CUX1: variants seen among roughly 807,000 people sequenced by gnomAD.
The protein encoded by CUX1 is protein CASP.
CUX1 carries 31 observed loss-of-function variants against 158.8 expected under a neutral mutation model. That is an observed-to-expected ratio of 0.20 (90% confidence interval 0.15 to 0.26). The LOEUF (loss-of-function observed/expected upper bound fraction) is 0.26, where lower values mean the gene tolerates loss of function less well. Among genes scored for constraint, CUX1 ranks in the 10% least tolerant of loss-of-function variants. CUX1 has a pLI of 1.00. For synonymous variants in CUX1, 879 were observed against 862.1 expected (o/e 1.02, Z -0.34); for missense variants, 1,589 against 2,014.6 (o/e 0.79, Z 4.04).
In CUX1 at chr7:102,201,350, C is replaced by T. The variant is rs868993463; in HGVS notation, c.2063-10C>T. The T allele has an allele frequency of 6.2e-7, 1 of 1,609,652 alleles. No homozygotes were observed. Among genetic ancestry groups the T allele is most frequent in the Admixed American group, 1.7e-5 (1 of 59,898 alleles). On this transcript the variant is annotated splice_polypyrimidine_tract_variant and intron_variant, in intron 17 of 23. Transcript: ENST00000292535. The surrounding 1 kb of genome is among the most constrained non-coding windows in gnomAD (Gnocchi z 5.0). ...CCCTGCCACACTCTCACCCCTGTTTCTCCATGCAGCAGAGCCGGCCCAGCC... is the reference window on the plus strand; with the variant it reads ...CCCTGCCACACTCTCACCCCTGTTTTTCCATGCAGCAGAGCCGGCCCAGCC...
intron 3 of CUX1, among the ~76,000 whole-genome samples, chr7:102,044,752 A>G (rs1311306127): frequency 2.6e-5 from 4 of 152,020 alleles, no homozygotes; most frequent in African/African-American, 7.2e-5. Flanking sequence ...GACGCCCACA[A>G]GCAAAATAGG....
intron 10 of CUX1, among the ~76,000 whole-genome samples, chr7:102,174,582 C>G (rs781935533): frequency 1.7e-4 from 26 of 152,206 alleles, no homozygotes; most frequent in Non-Finnish European, 2.6e-4. Context: ...TTCATTCTCC[C>G]TTATGTCCTT....
intron 1 of CUX1, among the ~76,000 whole-genome samples, chr7:101,866,858 G>A (rs530716655): frequency 5.3e-5 from 8 of 152,258 alleles, no homozygotes; most frequent in East Asian, 3.9e-4. Context: ...CTACAAAGGC[G>A]GCGCCATGGC....
chr7:102,246,344 C>T (rs1244129612), intron 23 of CUX1, among the ~76,000 whole-genome samples: 1 of 152,186 alleles, frequency 6.6e-6, no homozygotes, highest in Admixed American at 6.5e-5. Flanking sequence ...CTTGGAACTT[C>T]TGGGGGGCTT....
rs1158696934 is a variant in CUX1, at chr7:102,101,015, CAA to C, written c.407-3320_407-3319del. On this transcript the variant is annotated intron_variant, in intron 5 of 23. Transcript: ENST00000292535. Reference sequence around the variant, plus strand: ...AAAGAGGATCAGGCATGCCACAGGACAAGAGAGGAGGGGGCATCCCAGACGTC... The same window carrying C: ...AAAGAGGATCAGGCATGCCACAGGACGAGAGGAGGGGGCATCCCAGACGTC... Among the ~76,000 whole-genome samples the C allele has an allele frequency of 4.6e-5, 7 of 152,250 alleles. No homozygotes were observed. In the South Asian group the frequency reaches 1.0e-3, roughly 23 times the overall value.
rs577584885 is a variant in CUX1 at position 102,256,369 on chromosome 7, T to C, written c.*7327T>C. 151 of 985,264 alleles carry C rather than the reference T, an allele frequency of 1.5e-4. No individual in the cohort carries two copies. The Middle Eastern group carries it at 2.6e-3, about 17-fold the overall frequency. The allele number at this position is 985,264 out of a possible 1,614,324, so 61.0% of individuals were successfully genotyped here. ...TTTATTATTAGGTTAATCATTTAAG[T>C]ACTTATCAGGAGTGTATTGTTATTT... On this transcript the variant is annotated 3_prime_UTR_variant, in exon 24 of 24. Coordinates refer to ENST00000292535, the MANE Select transcript of CUX1 (RefSeq NM_181552.4).
At chr7:101,828,056 A>G (rs1210103799) in intron 1 of CUX1, among the ~76,000 whole-genome samples, 3 of 149,858 alleles carry the variant, frequency 2.0e-5, no homozygotes, top group Non-Finnish European at 3.0e-5. Flanking sequence ...ACTCACTGCA[A>G]CCTTCGCCTC....
chr7:101,863,986 G>A (rs1278777979), intron 1 of CUX1, among the ~76,000 whole-genome samples: 1 of 152,088 alleles, frequency 6.6e-6, no homozygotes, highest in Non-Finnish European at 1.5e-5. Context: ...TTTGGCTGTG[G>A]TGACACTGTG....
chr7:102,283,287 G>A (rs782087963), exon 23 of CUX1: 37 of 593,248 alleles, frequency 6.2e-5, no homozygotes, highest in Non-Finnish European at 1.1e-4. Context: ...GCTAGGTCCA[G>A]AGAGCGAGCC....
chr7:102,164,510 A>G (rs1790798464), intron 9 of CUX1, among the ~76,000 whole-genome samples: 1 of 152,110 alleles, frequency 6.6e-6, no homozygotes, highest in Non-Finnish European at 1.5e-5. Flanking sequence ...CCTGGTGTTT[A>G]TGTCACAAGA....
chr7:102,178,777 T>A, intron 11 of CUX1, 120 bp downstream of exon 11: 1 of 1,075,764 alleles, frequency 9.3e-7, no homozygotes, highest in Non-Finnish European at 1.3e-6. Flanking sequence ...ACCTTGAACC[T>A]CTGTAAAGTA....
At chr7:101,889,760 A>G (rs1800661377) in intron 1 of CUX1, among the ~76,000 whole-genome samples, 1 of 152,242 alleles carries the variant, frequency 6.6e-6, no homozygotes, top group East Asian at 1.9e-4. Context: ...CGACAGAGCA[A>G]GACTATATCT....
rs1795503027 is a variant in CUX1, at chr7:102,202,017, A to G, written c.2720A>G (p.Gln907Arg). The G allele has an allele frequency of 1.2e-6, 2 of 1,614,048 alleles. No homozygotes were observed. Among genetic ancestry groups the G allele is most frequent in the Non-Finnish European group, 8.5e-7 (1 of 1,179,978 alleles). The change falls in exon 18 of 24, where the codon CAG becomes CGG. Residue 907 changes from glutamine (Q) to arginine (R), a missense_variant. Gln to Arg is a conservative substitution (Grantham distance 43). This residue lies in a region of CUX1 where 337 missense variants were observed against 409.3 expected (regional missense o/e 0.82). Coordinates refer to ENST00000292535, the MANE Select transcript of CUX1 (RefSeq NM_181552.4). ...LTGASRSETP[Q>R]NSPLPSSPIV... ...GGGGCCAGCCGCAGCGAGACACCAC[A>G]GAACAGCCCCCTGCCATCCTCCCCG...
chr7:102,129,642 C>G (rs1464010986), intron 8 of CUX1, among the ~76,000 whole-genome samples: 6 of 152,114 alleles, frequency 3.9e-5, no homozygotes, highest in Non-Finnish European at 7.4e-5. Context: ...CGAGATTGTG[C>G]CATTGCACTC....
chr7:102,070,476 GT>G, intron 4 of CUX1, 59 bp downstream of exon 4: 6 of 1,339,104 alleles, frequency 4.5e-6, no homozygotes, highest in African/African-American at 1.5e-5. Flanking sequence ...GAGTCGGTGG[GT>G]TTTTGGCTCA....
intron 2 of CUX1, among the ~76,000 whole-genome samples, chr7:102,022,487 G>A (rs1240192855): frequency 3.9e-5 from 6 of 152,030 alleles, no homozygotes; most frequent in Admixed American, 6.6e-5. Flanking sequence ...ACATGGTGGC[G>A]CATGCCTCTA....
At chr7:101,894,095 C>T (rs77022596) in intron 1 of CUX1, among the ~76,000 whole-genome samples, 4,124 of 152,278 alleles carry the variant, frequency 0.027, 76 homozygotes, top group Middle Eastern at 0.054. Context: ...TGGCTTTGCA[C>T]GCCTGAAAAG....
At chr7:102,111,827 A>AGTTG (rs1830920559) in intron 7 of CUX1, 53 bp downstream of exon 7, 15 of 1,546,392 alleles carry the variant, frequency 9.7e-6, no homozygotes, top group Non-Finnish European at 1.3e-5. Flanking sequence ...CCAGGGGGAG[A>AGTTG]GTTGGGTCAG....
downstream of CUX1, chr7:102,258,324 C>T (rs1262360334): frequency 5.1e-6 from 2 of 393,320 alleles, no homozygotes; most frequent in Admixed American, 6.4e-5. Context: ...CCTCAAGAAT[C>T]GCCGTTCCCG....
Sources: allele counts gnomAD v4.1 joint callset (sites outside exome capture counted in the v4.1 genomes callset), GRCh38; gene constraint gnomAD v4.1.1; regional missense constraint gnomAD v4.1.1; non-coding constraint Gnocchi (gnomAD v3.1); transcripts MANE v1.5; gene names NCBI Gene and HGNC (gene_info 2026-07-23, HGNC 2026-07-21).